CRB1: variants seen among roughly 807,000 people sequenced by gnomAD.
CRB1 encodes the protein protein crumbs homolog 1.
In CRB1, 83 loss-of-function variants were observed where a neutral mutation model predicts 120.0. The ratio of observed to expected loss-of-function variants is 0.69; its 90% CI spans 0.58 to 0.83. The LOEUF is 0.83. Ranked by LOEUF, CRB1 falls within the 40% of genes least tolerant of loss-of-function variation. The pLI is 0.00. For synonymous variants in CRB1, 625 were observed against 612.5 expected, an observed-to-expected ratio of 1.02 and a Z score of -0.30; for missense variants, 1,699 against 1,687.6, an observed-to-expected ratio of 1.01 and a Z score of -0.12.
chr1:197,341,470 G>A (rs1659454544), intron 2 of CRB1, among the ~76,000 whole-genome samples: 1 of 151,996 alleles, frequency 6.6e-6, no homozygotes, highest in African/African-American at 2.4e-5. Flanking sequence ...TTAAACCTGG[G>A]AGGCAGAGGT....
intron 5 of CRB1, among the ~76,000 whole-genome samples, chr1:197,418,738 T>C (rs576274678): frequency 1.3e-5 from 2 of 152,308 alleles, no homozygotes; most frequent in African/African-American, 4.8e-5. Flanking sequence ...ATTCATTCAT[T>C]CCAAAATTAA....
chr1:197,278,547 A>G (rs1264654623), intron 1 of CRB1, among the ~76,000 whole-genome samples: 1 of 151,914 alleles, frequency 6.6e-6, no homozygotes, highest in Non-Finnish European at 1.5e-5. Flanking sequence ...GGAAGCATAC[A>G]ATAGCTCTTA....
At chr1:197,451,145 G>A (rs946064778) in intron 11 of CRB1, among the ~76,000 whole-genome samples, 4 of 152,084 alleles carry the variant, frequency 2.6e-5, no homozygotes, top group African/African-American at 4.8e-5. Flanking sequence ...CTGAATGACC[G>A]TATTTCAGAA....
At chr1:197,284,907 C>T (rs1411772046) in intron 1 of CRB1, among the ~76,000 whole-genome samples, 2 of 151,902 alleles carry the variant, frequency 1.3e-5, no homozygotes, top group Admixed American at 1.3e-4. Flanking sequence ...TCATATGCCT[C>T]TGTCAAATTC....
chr1:197,455,789 T>A (rs1215268139), intron 11 of CRB1, among the ~76,000 whole-genome samples: 2 of 152,118 alleles, frequency 1.3e-5, no homozygotes, highest in Non-Finnish European at 2.9e-5. Context: ...AAATTAAAAA[T>A]GATTTTTCAT....
intron 5 of CRB1, among the ~76,000 whole-genome samples, chr1:197,415,281 G>T (rs1308905434): frequency 1.3e-5 from 2 of 152,170 alleles, no homozygotes; most frequent in Admixed American, 6.5e-5. Context: ...TGCCTAGTTG[G>T]TCTTCCTGTC....
chr1:197,438,478 T>C (rs938333931), intron 9 of CRB1, 69 bp from the exon 10 acceptor site: 47 of 1,591,934 alleles, frequency 3.0e-5, no homozygotes, highest in Non-Finnish European at 3.7e-5. Context: ...TACATGAATT[T>C]ATCAGAAAAC....
Position 197,472,844 on chromosome 1 carries a change from A to G in CRB1, c.4006-4820A>G, listed in dbSNP as rs564638149. Among the ~76,000 whole-genome samples the G allele has an allele frequency of 2.0e-5, 3 of 152,284 alleles. No homozygotes were observed. In the South Asian group the frequency reaches 6.2e-4, roughly 32 times the overall value. On this transcript the variant is annotated intron_variant, in intron 11 of 11. Coordinates refer to ENST00000367400, the MANE Select transcript of CRB1 (RefSeq NM_201253.3). ...ATGGTAGGAGTTCTGAAATCCAAAC[A>G]GGATCAAGAAAATCAATCAGGGGAA...
intron 4 of CRB1, among the ~76,000 whole-genome samples, chr1:197,350,517 A>C (rs1660037686): frequency 6.6e-6 from 1 of 152,210 alleles, no homozygotes; most frequent in South Asian, 2.1e-4. Flanking sequence ...TGTTCCATTC[A>C]TTCATGGATT....
chr1:197,397,313 C>T (rs1662821647), intron 5 of CRB1, among the ~76,000 whole-genome samples: 1 of 151,896 alleles, frequency 6.6e-6, no homozygotes, highest in Admixed American at 6.6e-5. Context: ...ATGTAATAAT[C>T]GACAATACCA....
At chr1:197,382,506 G>A (rs1662006874) in intron 5 of CRB1, among the ~76,000 whole-genome samples, 1 of 152,038 alleles carries the variant, frequency 6.6e-6, no homozygotes, top group African/African-American at 2.4e-5. Context: ...TGATAAGAAA[G>A]GAAATCTCAG....
intron 11 of CRB1, among the ~76,000 whole-genome samples, chr1:197,447,080 C>A (rs1465602814): frequency 6.6e-6 from 1 of 152,192 alleles, no homozygotes; most frequent in Non-Finnish European, 1.5e-5. Context: ...TATTATCTCA[C>A]AGTTTCTGTG....
the CRB1 span, among the ~76,000 whole-genome samples, chr1:197,248,084 C>T: frequency 5.3e-5 from 8 of 151,828 alleles, no homozygotes; most frequent in Non-Finnish European, 8.8e-5. Context: ...TCTGGAAGTG[C>T]ATTTTCATAT....
intron 8 of CRB1, among the ~76,000 whole-genome samples, chr1:197,431,844 C>T (rs1664884036): frequency 6.6e-6 from 1 of 152,164 alleles, no homozygotes; most frequent in Admixed American, 6.6e-5. Flanking sequence ...AATTATAAAT[C>T]AATTTTCTAA....
intron 2 of CRB1, among the ~76,000 whole-genome samples, chr1:197,340,466 G>T (rs1299021851): frequency 6.8e-6 from 1 of 146,568 alleles, no homozygotes; most frequent in Non-Finnish European, 1.5e-5. Context: ...GCAGACGAGG[G>T]TACAATTATA....
intron 11 of CRB1, among the ~76,000 whole-genome samples, chr1:197,460,416 A>G (rs1410674213): frequency 2.0e-5 from 3 of 152,114 alleles, no homozygotes; most frequent in South Asian, 2.1e-4. Context: ...AGATTAAAAA[A>G]GCAGACCCTT....
chr1:197,404,646 T>C (rs1236924018), intron 5 of CRB1, among the ~76,000 whole-genome samples: 2 of 152,192 alleles, frequency 1.3e-5, no homozygotes, highest in Admixed American at 1.3e-4. Context: ...ATCTTTTTCT[T>C]GTCTTCATAC....
In CRB1 at chr1:197,367,656, A is replaced by G. The variant is rs139780004; in HGVS notation, c.1171+10643A>G. ...TGATAATACCCTTAACAAGTTTCCAAACCATCTCATCCAAGTCCAATTTTC... is the reference window on the plus strand; with the variant it reads ...TGATAATACCCTTAACAAGTTTCCAGACCATCTCATCCAAGTCCAATTTTC... On this transcript the variant is annotated intron_variant, in intron 5 of 11. Transcript: ENST00000367400. Among the ~76,000 whole-genome samples the G allele has an allele frequency of 5.0e-4, 76 of 151,826 alleles. 1 individual carries two copies. In the East Asian group the frequency reaches 0.014, roughly 28 times the overall value.
At chr1:197,201,753 C>G in the CRB1 span, among the ~76,000 whole-genome samples, 1 of 152,184 alleles carries the variant, frequency 6.6e-6, no homozygotes, top group African/African-American at 2.4e-5. Flanking sequence ...TCCCAGCTAA[C>G]CTACTGGCGT....
Sources: gnomAD v4.1 joint callset for allele counts (sites outside exome capture counted in the v4.1 genomes callset) on GRCh38, gnomAD v4.1.1 for gene constraint, MANE v1.5 for transcripts, NCBI Gene and HGNC (gene_info 2026-07-23, HGNC 2026-07-21) for gene names.